Variants in EFCAB5 observed in about 807,000 individuals in gnomAD.
EFCAB5 encodes EF-hand calcium binding domain 5.
Under a neutral mutation model 167.9 loss-of-function variants are expected in EFCAB5, and 131 were observed. The ratio of observed to expected loss-of-function variants is 0.78; its 90% CI spans 0.68 to 0.90. The LOEUF is 0.90. EFCAB5 is among the 40% of genes least tolerant of loss of function. EFCAB5 has a pLI of 0.00. For missense variants in EFCAB5, 1,663 were observed against 1,745.2 expected, an observed-to-expected ratio of 0.95 and a Z score of 0.84; for synonymous variants, 574 against 602.8, an observed-to-expected ratio of 0.95 and a Z score of 0.70.
At chr17:29,941,027 G>A (rs1250960336), upstream of EFCAB5, among the ~76,000 whole-genome samples, 1 of 151,306 alleles carries the variant, frequency 6.6e-6, no homozygotes, top group Non-Finnish European at 1.5e-5. Flanking sequence ...GCGACAGAAT[G>A]AGACTCTGTA....
At chr17:30,041,208 AAAG>A (rs1172503862) in intron 8 of EFCAB5, among the ~76,000 whole-genome samples, 1 of 141,408 alleles carries the variant, frequency 7.1e-6, no homozygotes, top group Non-Finnish European at 1.5e-5. Flanking sequence ...GGAAGAAAGG[AAAG>A]AAGGAAGGAA....
intron 7 of EFCAB5, among the ~76,000 whole-genome samples, chr17:30,029,446 G>T (rs867121236): frequency 6.6e-6 from 1 of 152,090 alleles, no homozygotes. Flanking sequence ...CAGAATTGTT[G>T]TATAGGTACT....
intron 21 of EFCAB5, 34 bp from the exon 22 acceptor site, chr17:30,092,806 A>T (rs1160605873): frequency 6.7e-7 from 1 of 1,493,896 alleles, no homozygotes; most frequent in Non-Finnish European, 9.3e-7. Flanking sequence ...CTTCCTGGTG[A>T]TCCCATAAAT....
At chr17:30,012,673 G>C (rs2068934338) in intron 7 of EFCAB5, among the ~76,000 whole-genome samples, 1 of 152,114 alleles carries the variant, frequency 6.6e-6, no homozygotes, top group Non-Finnish European at 1.5e-5. Flanking sequence ...TGGTCCCCCG[G>C]GCCCAGTTGT....
intron 3 of EFCAB5, among the ~76,000 whole-genome samples, chr17:29,944,780 C>T (rs1465928528): frequency 6.6e-6 from 1 of 151,958 alleles, no homozygotes; most frequent in Non-Finnish European, 1.5e-5. Flanking sequence ...CGTGCCATCA[C>T]ACCCGGCTAA....
rs1305308979 is a variant in EFCAB5 at position 30,096,671 on chromosome 17, A to AT, written c.4321+3736dup. On this transcript the variant is annotated intron_variant, in intron 22 of 22. Transcript: ENST00000394835. Reference sequence around the variant, plus strand: ...TGAAAGCATATATATATATATATATATATATATTTTTTTTTTTTTTTTTTT... The same window carrying AT: ...TGAAAGCATATATATATATATATATATTATATATTTTTTTTTTTTTTTTTTT... Among the ~76,000 whole-genome samples the AT allele has an allele frequency of 3.6e-3, 217 of 60,910 alleles. 5 individuals are homozygous for AT. Among genetic ancestry groups the AT allele is most frequent in the African/African-American group, 0.015 (196 of 13,010 alleles). 40.0% of individuals were successfully genotyped at this position (60,910 alleles called of 152,430 possible).
intron 14 of EFCAB5, chr17:30,069,455 C>A: frequency 6.4e-7 from 1 of 1,569,810 alleles, no homozygotes; most frequent in Non-Finnish European, 8.8e-7. Flanking sequence ...GGTTTTGCAA[C>A]AGGAAGCTGA....
intron 22 of EFCAB5, among the ~76,000 whole-genome samples, chr17:30,104,928 T>C (rs997524534): frequency 1.3e-5 from 2 of 152,136 alleles, no homozygotes; most frequent in Non-Finnish European, 1.5e-5. Flanking sequence ...AGATGGCGAC[T>C]AGCTTAATAA....
At chr17:30,018,274 A>AAT (rs2069096028) in intron 7 of EFCAB5, among the ~76,000 whole-genome samples, 1 of 151,932 alleles carries the variant, frequency 6.6e-6, no homozygotes, top group Admixed American at 6.6e-5. Flanking sequence ...TTCTGTTATT[A>AAT]AAACACTGGA....
intron 6 of EFCAB5, among the ~76,000 whole-genome samples, chr17:29,998,540 G>A (rs1418900474): frequency 6.6e-6 from 1 of 152,154 alleles, no homozygotes; most frequent in South Asian, 2.1e-4. Context: ...AGACAGACAG[G>A]TATACTTAAT....
intron 1 of EFCAB5, among the ~76,000 whole-genome samples, chr17:29,932,260 C>G (rs945165185): frequency 6.6e-6 from 1 of 150,490 alleles, no homozygotes; most frequent in African/African-American, 2.5e-5. Flanking sequence ...AAGCAATTCT[C>G]CTGCCTCAGC....
chr17:30,069,324 A>G (rs2070665497), intron 14 of EFCAB5: 1 of 1,544,366 alleles, frequency 6.5e-7, no homozygotes, highest in Non-Finnish European at 8.9e-7. Context: ...GAAGAAATAC[A>G]AATGTTTGAA....
chr17:29,975,330 G>A (rs902505286), intron 4 of EFCAB5, among the ~76,000 whole-genome samples: 3 of 151,654 alleles, frequency 2.0e-5, no homozygotes, highest in African/African-American at 4.9e-5. Context: ...CACAATCTCA[G>A]CTCACTGCAA....
chr17:30,051,373 T>C (rs1156325793), intron 9 of EFCAB5, among the ~76,000 whole-genome samples, 156 bp downstream of exon 9: 1 of 152,272 alleles, frequency 6.6e-6, no homozygotes, highest in South Asian at 2.1e-4. Flanking sequence ...CTGTATCTAG[T>C]TGTTTATTCC....
At chr17:29,983,018 A>G (rs1327649894) in intron 4 of EFCAB5, among the ~76,000 whole-genome samples, 1 of 152,184 alleles carries the variant, frequency 6.6e-6, no homozygotes, top group African/African-American at 2.4e-5. Context: ...ATAACAAAAT[A>G]CTCCAAAACT....
At chr17:30,027,458 T>C (rs946678173) in intron 7 of EFCAB5, among the ~76,000 whole-genome samples, 2 of 152,046 alleles carry the variant, frequency 1.3e-5, no homozygotes, top group Non-Finnish European at 2.9e-5. Flanking sequence ...AATGGAATGA[T>C]GACAGAAAGA....
Position 30,100,828 on chromosome 17 carries a change from T to C in EFCAB5, c.4322-7006T>C, listed in dbSNP as rs1186125528. On this transcript the variant is annotated intron_variant, in intron 22 of 22. Coordinates refer to ENST00000394835, the MANE Select transcript of EFCAB5 (RefSeq NM_198529.4). ...GAAGTGAGGGAATCAGCCATATGAA[T>C]GTACAAGGAATATTCCAGGTGTTGC... Among the ~76,000 whole-genome samples, 4 of 151,476 alleles carry C rather than the reference T, an allele frequency of 2.6e-5. No individual in the cohort carries two copies. In the East Asian group the frequency reaches 7.7e-4, roughly 29 times the overall value.
intron 14 of EFCAB5, chr17:30,069,532 AAG>A: frequency 6.2e-7 from 1 of 1,611,678 alleles, no homozygotes; most frequent in Non-Finnish European, 8.5e-7. Flanking sequence ...ACGAAGACAT[AAG>A]AGAGGCCATT....
chr17:30,017,650 T>C (rs1356419828), intron 7 of EFCAB5, among the ~76,000 whole-genome samples: 1 of 152,216 alleles, frequency 6.6e-6, no homozygotes, highest in Admixed American at 6.5e-5. Flanking sequence ...TGTATATCTC[T>C]ATAGCAATAT....
Sources: gnomAD v4.1 joint callset for allele counts (sites outside exome capture counted in the v4.1 genomes callset) on GRCh38, gnomAD v4.1.1 for gene constraint, MANE v1.5 for transcripts, NCBI Gene and HGNC (gene_info 2026-07-23, HGNC 2026-07-21) for gene names.